ATG5: variants seen among roughly 807,000 people sequenced by gnomAD.
ATG5 encodes autophagy protein 5.
A neutral mutation model predicts 36.5 loss-of-function variants in ATG5; 14 were observed. The ratio of observed to expected loss-of-function variants is 0.38; its 90% confidence interval spans 0.25 to 0.60. The LOEUF (loss-of-function observed/expected upper bound fraction) is 0.60, where lower values mean the gene tolerates loss of function less well. Among genes scored for constraint, ATG5 ranks in the 20% least tolerant of loss-of-function variants. ATG5 has a pLI of 0.60. For missense variants in ATG5, 195 were observed against 326.7 expected, an observed-to-expected ratio of 0.60 and a Z score of 3.11; for synonymous variants, 95 against 101.5, an observed-to-expected ratio of 0.94 and a Z score of 0.38.
At chr6:106,314,367 G>A (rs1311415585) in intron 2 of ATG5, among the ~76,000 whole-genome samples, 6 of 152,048 alleles carry the variant, frequency 3.9e-5, no homozygotes, top group Non-Finnish European at 7.4e-5. Context: ...GACCAGCCTG[G>A]CCAACATAGC....
chr6:106,263,825 C>T (rs749632054), intron 5 of ATG5, among the ~76,000 whole-genome samples: 10 of 150,702 alleles, frequency 6.6e-5, no homozygotes, highest in Non-Finnish European at 1.5e-4. Context: ...AAAAAAACTC[C>T]ATCCAAAGGT....
intron 5 of ATG5, 101 bp downstream of exon 5, chr6:106,279,560 A>T: frequency 9.3e-7 from 1 of 1,079,922 alleles, no homozygotes; most frequent in Non-Finnish European, 1.2e-6. Flanking sequence ...TACAATTTAA[A>T]CTTGTACCAC....
chr6:106,192,535 A>T (rs973806263), intron 7 of ATG5, among the ~76,000 whole-genome samples: 1 of 152,182 alleles, frequency 6.6e-6, no homozygotes, highest in African/African-American at 2.4e-5. Context: ...GAAATGGATG[A>T]TGTATCTTTA....
Position 106,188,246 on chromosome 6 carries a change from C to T in ATG5, c.692-1570G>A, listed in dbSNP as rs144506815. 5.6e-3 allele frequency among the ~76,000 whole-genome samples: 851 copies of T among 152,286 alleles called. 5 individuals carry two copies. Among genetic ancestry groups the T allele is most frequent in the Middle Eastern group, 0.014 (4 of 294 alleles). On this transcript the variant is annotated intron_variant, in intron 7 of 7. Coordinates refer to ENST00000369076, the MANE Select transcript of ATG5 (RefSeq NM_004849.4). Reference sequence around the variant, plus strand: ...TTCATTGCTTATAAGTTCCAGTTTGCTAAAGCTTTACTGTATTAAATCTTT... The same window carrying T: ...TTCATTGCTTATAAGTTCCAGTTTGTTAAAGCTTTACTGTATTAAATCTTT...
At chr6:106,265,894 C>T (rs1214737051) in intron 5 of ATG5, among the ~76,000 whole-genome samples, 1 of 151,842 alleles carries the variant, frequency 6.6e-6, no homozygotes, top group East Asian at 1.9e-4. Context: ...TCAGAAAGCT[C>T]GAAAGATCTA....
intron 6 of ATG5, among the ~76,000 whole-genome samples, chr6:106,233,509 C>T (rs1275505834): frequency 6.6e-6 from 1 of 152,118 alleles, no homozygotes; most frequent in Non-Finnish European, 1.5e-5. Flanking sequence ...ACAGAAATAG[C>T]TCTAGGAGTC....
At chr6:106,192,019 AT>A (rs1192217561) in intron 7 of ATG5, among the ~76,000 whole-genome samples, 1 of 152,106 alleles carries the variant, frequency 6.6e-6, no homozygotes, top group African/African-American at 2.4e-5. Context: ...TAATAAATGT[AT>A]TTTTTAAAAG....
chr6:106,282,679 A>G (rs1779926093), intron 4 of ATG5, among the ~76,000 whole-genome samples: 1 of 152,172 alleles, frequency 6.6e-6, no homozygotes, highest in South Asian at 2.1e-4. Context: ...ATTCCCTTCT[A>G]TTCCTAAGCT....
intron 7 of ATG5, among the ~76,000 whole-genome samples, chr6:106,191,027 C>T (rs918825329): frequency 1.2e-4 from 18 of 152,184 alleles, no homozygotes; most frequent in African/African-American, 4.1e-4. Context: ...GCAGGTCTCA[C>T]GTCACTTTGA....
intron 6 of ATG5, among the ~76,000 whole-genome samples, chr6:106,234,860 T>C (rs2114475613): frequency 6.6e-6 from 1 of 152,334 alleles, no homozygotes; most frequent in Non-Finnish European, 1.5e-5. Flanking sequence ...GCCGACTCCC[T>C]GGTCACCTTG....
intron 1 of ATG5, among the ~76,000 whole-genome samples, chr6:106,316,715 TG>T (rs1311185609): frequency 6.6e-6 from 1 of 152,210 alleles, no homozygotes; most frequent in African/African-American, 2.4e-5. Context: ...CCTCTCTTCC[TG>T]CAAAACTACT....
intron 5 of ATG5, among the ~76,000 whole-genome samples, chr6:106,265,807 A>G (rs1446029062): frequency 6.6e-6 from 1 of 152,252 alleles, no homozygotes; most frequent in Non-Finnish European, 1.5e-5. Flanking sequence ...ATGAGAAAAA[A>G]GAGACAACGT....
intron 6 of ATG5, among the ~76,000 whole-genome samples, chr6:106,222,624 G>C (rs1396369737): frequency 5.9e-5 from 9 of 152,184 alleles, no homozygotes; most frequent in Admixed American, 5.9e-4. Context: ...AAAAAGTTAT[G>C]ACAGAAGAGG....
At chr6:106,303,088 G>A (rs1770283559) in intron 3 of ATG5, among the ~76,000 whole-genome samples, 1 of 151,782 alleles carries the variant, frequency 6.6e-6, no homozygotes, top group African/African-American at 2.4e-5. Context: ...CAAAGGAGCA[G>A]AAGGAATAAG....
chr6:106,300,321 G>C (rs1770152828), intron 3 of ATG5, among the ~76,000 whole-genome samples: 1 of 152,038 alleles, frequency 6.6e-6, no homozygotes, highest in Non-Finnish European at 1.5e-5. Context: ...AAAAAGACTG[G>C]AAATAAGACA....
intron 2 of ATG5, among the ~76,000 whole-genome samples, chr6:106,309,135 C>T (rs1057318829): frequency 6.6e-6 from 1 of 152,104 alleles, no homozygotes; most frequent in Non-Finnish European, 1.5e-5. Context: ...TGGTTTTCCT[C>T]CTTTGCAGTA....
chr6:106,208,334 A>G (rs144145329), intron 6 of ATG5, among the ~76,000 whole-genome samples: 10 of 152,360 alleles, frequency 6.6e-5, no homozygotes, highest in African/African-American at 2.2e-4. Flanking sequence ...GCACAACACA[A>G]TTCTGACACA....
chr6:106,258,009 T>G (rs1285901270), intron 5 of ATG5, among the ~76,000 whole-genome samples: 1 of 152,106 alleles, frequency 6.6e-6, no homozygotes, highest in East Asian at 1.9e-4. Context: ...ACACAAGAGA[T>G]TGTTCCTTTC....
intron 6 of ATG5, among the ~76,000 whole-genome samples, chr6:106,246,392 T>TCTCA (rs1387498156): frequency 1.1e-3 from 141 of 129,636 alleles, no homozygotes; most frequent in Admixed American, 2.4e-3. Context: ...TCTCTCTCTC[T>TCTCA]CACACACACA....
Sources: gnomAD v4.1 joint callset for allele counts (sites outside exome capture counted in the v4.1 genomes callset) on GRCh38, gnomAD v4.1.1 for gene constraint, MANE v1.5 for transcripts, NCBI Gene and HGNC (gene_info 2026-07-23, HGNC 2026-07-21) for gene names.